The following ATP2C1 variants were observed in gnomAD, a reference collection of about 807,000 sequenced individuals.
The protein encoded by ATP2C1 is ATPase secretory pathway Ca2+ transporting 1.
In ATP2C1, 31 loss-of-function variants were observed where a neutral mutation model predicts 120.5. The ratio of observed to expected loss-of-function variants is 0.26; its 90% CI spans 0.19 to 0.35. The LOEUF (loss-of-function observed/expected upper bound fraction) is 0.35, where lower values mean the gene tolerates loss of function less well. Among genes scored for constraint, ATP2C1 ranks in the 10% least tolerant of loss-of-function variants. The probability of loss-of-function intolerance (pLI) is 1.00; values close to 1 mark genes in which losing one functional copy is unlikely to be tolerated. For synonymous variants in ATP2C1, 351 were observed against 358.7 expected, an observed-to-expected ratio of 0.98 and a Z score of 0.24; for missense variants, 731 against 1,107.5, an observed-to-expected ratio of 0.66 and a Z score of 4.83.
At chr3:130,911,410 C>A (rs1304966303) in intron 2 of ATP2C1, among the ~76,000 whole-genome samples, 1 of 150,796 alleles carries the variant, frequency 6.6e-6, no homozygotes, top group Non-Finnish European at 1.5e-5. Context: ...CTCCTGGATT[C>A]ATTGATTTTT....
intron 8 of ATP2C1, among the ~76,000 whole-genome samples, chr3:130,953,262 TATG>T (rs1241138391): frequency 6.6e-6 from 1 of 152,160 alleles, no homozygotes; most frequent in East Asian, 1.9e-4. Flanking sequence ...TTATGATAGT[TATG>T]ATCTGCATGA....
At position 130,884,263 on chromosome 3, in the gene ATP2C1, C is replaced by T. The variant is rs139778576; in HGVS notation, c.108+33335C>T. On this transcript the variant is annotated intron_variant, in intron 1 of 26. Transcript: ENST00000504381. ...TTCTCCTTCTTAATTTCTTCATTGA[C>T]CCACTGGTCATTCAGGAGCATATTG... Among the ~76,000 whole-genome samples the T allele has an allele frequency of 4.7e-3, 723 of 152,310 alleles. 5 individuals are homozygous for T. The highest frequency in any genetic ancestry group is 0.016 in the African/African-American group (660 of 41,562).
chr3:130,947,754 C>G (rs1175872694), intron 8 of ATP2C1, among the ~76,000 whole-genome samples: 2 of 152,070 alleles, frequency 1.3e-5, no homozygotes, highest in African/African-American at 4.8e-5. Flanking sequence ...CTCAGTTTCT[C>G]CTTTGTGCCC....
intron 1 of ATP2C1, among the ~76,000 whole-genome samples, chr3:130,857,402 G>T (rs539091885): frequency 4.4e-4 from 67 of 152,276 alleles, no homozygotes; most frequent in African/African-American, 1.5e-3. Flanking sequence ...CATCTTTGGT[G>T]CTTTCTGCTC....
At chr3:130,994,244 A>C in intron 22 of ATP2C1, 146 bp downstream of exon 22, 1 of 941,720 alleles carries the variant, frequency 1.1e-6, no homozygotes, top group Non-Finnish European at 1.6e-6. Context: ...ATCCTATTTT[A>C]TGGTATGAAG....
chr3:130,875,513 T>C (rs868099534), intron 1 of ATP2C1, among the ~76,000 whole-genome samples: 5 of 152,242 alleles, frequency 3.3e-5, no homozygotes, highest in Non-Finnish European at 2.9e-5. Context: ...ACATTTTCTC[T>C]ATCCAGTCAT....
chr3:130,874,525 TCTAAA>T (rs1263131802), intron 1 of ATP2C1, among the ~76,000 whole-genome samples: 10 of 152,266 alleles, frequency 6.6e-5, no homozygotes, highest in South Asian at 2.1e-4. Flanking sequence ...AACCTATTAA[TCTAAA>T]CTAAATTTTT....
In ATP2C1 at chr3:130,953,731, T is replaced by A. The variant is rs2108548318; in HGVS notation, c.532-90T>A. On this transcript the variant is annotated intron_variant, in intron 8 of 27. Transcript: ENST00000510168. ...ATGTGGCTAATCAATGGAAAAGGGA[T>A]GTTTGAGGAAGAAGTGATGATGGTT... 3.8e-6 allele frequency: 5 copies of A among 1,327,132 alleles called. No homozygotes were observed. In the South Asian group the frequency reaches 5.9e-5, roughly 16 times the overall value. The allele number at this position is 1,327,132 out of a possible 1,614,324, so 82.2% of individuals were successfully genotyped here.
intron 1 of ATP2C1, among the ~76,000 whole-genome samples, chr3:130,887,800 G>A (rs1038331000): frequency 2.6e-5 from 4 of 152,136 alleles, no homozygotes; most frequent in African/African-American, 9.7e-5. Context: ...GGGACTTCAC[G>A]AGCCCACTTG....
intron 2 of ATP2C1, among the ~76,000 whole-genome samples, chr3:130,902,283 C>CTTTTTT (rs2057872994): frequency 2.5e-5 from 2 of 80,914 alleles, no homozygotes; most frequent in African/African-American, 9.6e-5. Context: ...CAAGGCTTCA[C>CTTTTTT]GTTTTTTTTT....
chr3:130,923,818 A>T (rs2059075318), intron 2 of ATP2C1, among the ~76,000 whole-genome samples: 1 of 147,064 alleles, frequency 6.8e-6, no homozygotes, highest in Admixed American at 6.9e-5. Context: ...GGGAGTCTAG[A>T]TTGCATACTG....
rs1169041626 is a variant in ATP2C1, at chr3:130,940,654, G to C, written c.385G>C (p.Glu129Gln). ...GGAATATCGTTCAGAAAAATCTCTT[G>C]AAGAATTGAGTAAACTTGTGCCACC... ...VQEYRSEKSL[E>Q]ELSKLVPPEC... Residue 129 changes from glutamate to glutamine, a missense_variant, in exon 7 of 28, where the codon GAA becomes CAA. Glu to Gln is a conservative substitution (Grantham distance 29, BLOSUM62 2). Around this residue, in one of 3 missense-constraint regions of ATP2C1, gnomAD observed 571 missense variants for 845.9 expected, o/e 0.67. Coordinates refer to ENST00000510168, the MANE Select transcript of ATP2C1 (RefSeq NM_001378687.1). The C allele has an allele frequency of 2.5e-6, 4 of 1,612,436 alleles. No individual in the cohort carries two copies. In the East Asian group the frequency reaches 8.9e-5, roughly 36 times the overall value.
At chr3:130,944,396 G>T (rs1239992472) in intron 8 of ATP2C1, among the ~76,000 whole-genome samples, 1 of 152,228 alleles carries the variant, frequency 6.6e-6, no homozygotes, top group Non-Finnish European at 1.5e-5. Context: ...ACGGAGGCTG[G>T]AAGTTCAAGG....
intron 8 of ATP2C1, among the ~76,000 whole-genome samples, chr3:130,949,235 T>C (rs2060269791): frequency 6.6e-6 from 1 of 152,202 alleles, no homozygotes; most frequent in Non-Finnish European, 1.5e-5. Context: ...GAAAAAATTC[T>C]TGAAATTAAA....
At chr3:130,873,834 A>G (rs1193109253) in intron 1 of ATP2C1, among the ~76,000 whole-genome samples, 3 of 152,136 alleles carry the variant, frequency 2.0e-5, no homozygotes, top group Non-Finnish European at 4.4e-5. Context: ...AAATCTAGCC[A>G]GGCACCGTGG....
intron 8 of ATP2C1, among the ~76,000 whole-genome samples, chr3:130,950,269 C>T (rs1054303015): frequency 3.3e-5 from 5 of 152,108 alleles, no homozygotes; most frequent in Admixed American, 3.3e-4. Context: ...TTCACACCTC[C>T]ACCAGACTGC....
At chr3:130,902,312 T>TTTTTTTTTTTTG (rs1559900216) in intron 2 of ATP2C1, among the ~76,000 whole-genome samples, 3 of 76,444 alleles carry the variant, frequency 3.9e-5, no homozygotes, top group African/African-American at 1.2e-4. Flanking sequence ...TTTTTTTTTT[T>TTTTTTTTTTTTG]TTTTTTTTTT....
At chr3:130,870,223 A>T (rs898481166) in intron 1 of ATP2C1, among the ~76,000 whole-genome samples, 2 of 152,224 alleles carry the variant, frequency 1.3e-5, no homozygotes, top group East Asian at 1.9e-4. Flanking sequence ...CAGTGCAGCT[A>T]GTCACCCAAG....
At position 130,930,437 on chromosome 3, in the gene ATP2C1, C is replaced by T. The variant is rs779394828; in HGVS notation, c.28C>T (p.Pro10Ser). MKVARFQKIPNGENETMIPV... is the reference protein window; with the variant it reads MKVARFQKISNGENETMIPV... ...CTAGGTTGCACGTTTTCAAAAAATA[C>T]CTAATGGTGAAAATGAGACAATGAT... The change falls in exon 3 of 28, where the codon CCT (proline) becomes TCT (serine). Residue 10 changes from proline to serine, a missense_variant. Pro to Ser is a moderately conservative substitution (Grantham distance 74). Transcript: ENST00000510168. 13 of 1,612,062 alleles carry T rather than the reference C, an allele frequency of 8.1e-6. No individual in the cohort carries two copies. Among genetic ancestry groups the T allele is most frequent in the Middle Eastern group, 3.3e-4 (2 of 6,060 alleles).
Sources: gnomAD v4.1 joint callset for allele counts (sites outside exome capture counted in the v4.1 genomes callset) on GRCh38, gnomAD v4.1.1 for gene constraint, gnomAD v4.1.1 regional missense constraint, MANE v1.5 for transcripts, NCBI Gene and HGNC (gene_info 2026-07-23, HGNC 2026-07-21) for gene names.